Variants in MIAT observed in about 807,000 individuals in gnomAD.
The protein encoded by MIAT is MI related novel mRNA.
exon 5 of MIAT, chr22:26,675,420 G>A (rs1034643970): frequency 5.0e-6 from 2 of 398,546 alleles, no homozygotes; most frequent in African/African-American, 4.1e-5. Context: ...GGGAGTTAGT[G>A]GATTTGAGTT....
chr22:26,672,048 C>T (rs1382177378), downstream of MIAT: 9 of 399,148 alleles, frequency 2.3e-5, no homozygotes, highest in Admixed American at 4.4e-5. Flanking sequence ...ACCCGTCTAA[C>T]CCCTGGGGTG....
chr22:26,666,804 G>A (rs1218678528), exon 4 of MIAT: 1 of 398,848 alleles, frequency 2.5e-6, no homozygotes, highest in Admixed American at 4.4e-5. Context: ...TGGGCCTGGG[G>A]AGGGGGCCTG....
exon 5 of MIAT, chr22:26,674,976 A>AG: frequency 2.5e-6 from 1 of 398,738 alleles, no homozygotes; most frequent in Non-Finnish European, 4.4e-6. Flanking sequence ...ATGATTGGTC[A>AG]GGGGTCTGTG....
At chr22:26,654,923 A>G (rs1213053761) in intron 2 of MIAT, among the ~76,000 whole-genome samples, 2 of 152,132 alleles carry the variant, frequency 1.3e-5, no homozygotes, top group Non-Finnish European at 2.9e-5. Flanking sequence ...CGTATTAGCC[A>G]GGATGGTCTC....
At chr22:26,647,379 GAGA>G (rs1930253346) in intron 2 of MIAT, 1 of 13,282 alleles carries the variant, frequency 7.5e-5, no homozygotes, top group Non-Finnish European at 2.1e-4. Context: ...GGGGTGGAGA[GAGA>G]GAGAGAGAGA....
downstream of MIAT, chr22:26,673,321 A>G (rs1931132484): frequency 2.5e-6 from 1 of 398,622 alleles, no homozygotes; most frequent in South Asian, 1.3e-4. Flanking sequence ...TCCAGTAGGC[A>G]CCTTGGTTTC....
downstream of MIAT, chr22:26,671,919 C>G: frequency 2.5e-6 from 1 of 398,548 alleles, no homozygotes; most frequent in Non-Finnish European, 4.4e-6. Flanking sequence ...TCTGGGTGTT[C>G]TGCACACAGA....
chr22:26,665,022 A>T (rs2146011600), intron 3 of MIAT, among the ~76,000 whole-genome samples: 1 of 152,220 alleles, frequency 6.6e-6, no homozygotes, highest in Admixed American at 6.5e-5. Flanking sequence ...GGACTGCCTG[A>T]GGTTAGGAGT....
chr22:26,673,557 G>A (rs930347214), downstream of MIAT: 1 of 398,544 alleles, frequency 2.5e-6, no homozygotes. Context: ...AATGGTTTGT[G>A]GATTTTTTTC....
chr22:26,668,115 T>C, intron 5 of MIAT: 1 of 398,484 alleles, frequency 2.5e-6, no homozygotes, highest in Non-Finnish European at 4.4e-6. Flanking sequence ...AAGTTGGGGA[T>C]GGAGGCTGTG....
chr22:26,656,875 C>T (rs1930474184), intron 2 of MIAT, among the ~76,000 whole-genome samples: 1 of 152,164 alleles, frequency 6.6e-6, no homozygotes, highest in South Asian at 2.1e-4. Flanking sequence ...TGCCGCTGCA[C>T]TTCAGCCGGG....
At position 26,667,333 on chromosome 22, in the gene MIAT, A is replaced by AGTGTGTGTGTGTGTGTGTGTGTGT. The variant is rs61442362; in HGVS notation, n.2262+44_2262+45insTGTGTGTGTGTGTGTGTGTGTGTG. ...GGGGTGAGCTCCTCGTCCTGGGAGC[A>AGTGTGTGTGTGTGTGTGTGTGTGT]GTGTGTGTGTGTGTGTGTGTGCGTG... On this transcript the variant is annotated intron_variant and non_coding_transcript_variant, in intron 5 of 5. Transcript: ENST00000643270. The AGTGTGTGTGTGTGTGTGTGTGTGT allele has an allele frequency of 5.9e-3, 2,313 of 390,656 alleles. 44 individuals carry two copies. Among genetic ancestry groups the AGTGTGTGTGTGTGTGTGTGTGTGT allele is most frequent in the African/African-American group, 0.044 (2,093 of 47,446 alleles). 24.2% of individuals were successfully genotyped at this position (390,656 alleles called of 1,614,324 possible).
chr22:26,649,950 G>T (rs761667700), intron 2 of MIAT, among the ~76,000 whole-genome samples: 1 of 152,146 alleles, frequency 6.6e-6, no homozygotes, highest in African/African-American at 2.4e-5. Flanking sequence ...CGACATCCTC[G>T]ACCTGGGGTA....
chr22:26,662,840 C>T (rs1427482809), intron 2 of MIAT, among the ~76,000 whole-genome samples: 1 of 152,136 alleles, frequency 6.6e-6, no homozygotes, highest in Admixed American at 6.5e-5. Flanking sequence ...TTACTAAGAA[C>T]AGTACATGCT....
intron 2 of MIAT, among the ~76,000 whole-genome samples, chr22:26,653,881 A>G (rs1413898103): frequency 6.6e-6 from 1 of 152,188 alleles, no homozygotes; most frequent in Non-Finnish European, 1.5e-5. Context: ...CTGGGATTAC[A>G]GGTGCACGCT....
At chr22:26,664,802 T>C (rs1930787219) in intron 3 of MIAT, among the ~76,000 whole-genome samples, 1 of 152,252 alleles carries the variant, frequency 6.6e-6, no homozygotes, top group Non-Finnish European at 1.5e-5. Context: ...GGTATATACA[T>C]ATAATGCTAC....
exon 5 of MIAT, chr22:26,675,756 G>C (rs938492597): frequency 1.0e-5 from 4 of 398,566 alleles, no homozygotes; most frequent in Non-Finnish European, 1.8e-5. Flanking sequence ...AATTCCATTG[G>C]GGAGGGAGCC....
At chr22:26,647,269 C>G (rs763271) in exon 2 of MIAT, 110,189 of 397,784 alleles carry the variant, frequency 0.28, 16,113 homozygotes, top group East Asian at 0.45. Context: ...CGGGGTAGCA[C>G]ACCCTTCACC....
At chr22:26,667,934 G>A (rs1297338357) in intron 5 of MIAT, 2 of 351,362 alleles carry the variant, frequency 5.7e-6, no homozygotes, top group Admixed American at 9.5e-5. Context: ...GCCTCCCAAA[G>A]TGCTGGGATT....
Sources: allele counts gnomAD v4.1 joint callset (sites outside exome capture counted in the v4.1 genomes callset), GRCh38; gene constraint gnomAD v4.1.1; transcripts MANE v1.5; gene names NCBI Gene and HGNC (gene_info 2026-07-23, HGNC 2026-07-21).